ANKAR: variants seen among roughly 807,000 people sequenced by gnomAD.
ANKAR encodes the protein ankyrin and armadillo repeat containing, also known as ankyrin and armadillo repeat-containing protein.
A neutral mutation model predicts 146.2 loss-of-function variants in ANKAR; 136 were observed. The observed-to-expected ratio is 0.93, with a 90% CI of 0.81 to 1.07. ANKAR has a LOEUF of 1.07. Among genes scored for constraint, ANKAR ranks in the 50% least tolerant of loss-of-function variants. ANKAR has a pLI of 0.00. For missense variants in ANKAR, 1,567 were observed against 1,679.9 expected, an observed-to-expected ratio of 0.93 and a Z score of 1.18; for synonymous variants, 500 against 575.8, an observed-to-expected ratio of 0.87 and a Z score of 1.88.
At chr2:189,728,856 G>A (rs2042133241) in intron 15 of ANKAR, 35 bp downstream of exon 15, 2 of 1,582,328 alleles carry the variant, frequency 1.3e-6, no homozygotes, top group Middle Eastern at 1.7e-4. Flanking sequence ...TTAAATATCT[G>A]TAAGAACAAG....
At chr2:189,731,106 C>T (rs934598410) in intron 16 of ANKAR, among the ~76,000 whole-genome samples, 2 of 152,170 alleles carry the variant, frequency 1.3e-5, no homozygotes, top group Admixed American at 6.5e-5. Context: ...CTGGACATTA[C>T]AAAGAATTAT....
intron 20 of ANKAR, among the ~76,000 whole-genome samples, chr2:189,742,473 G>A (rs1038554758): frequency 6.6e-6 from 1 of 152,092 alleles, no homozygotes; most frequent in Non-Finnish European, 1.5e-5. Context: ...CTAGAGTCCT[G>A]TGGCCTGACA....
At chr2:189,679,578 A>G (rs1458907321) in intron 2 of ANKAR, among the ~76,000 whole-genome samples, 2 of 152,168 alleles carry the variant, frequency 1.3e-5, no homozygotes, top group Non-Finnish European at 2.9e-5. Flanking sequence ...TTTCCTGTTC[A>G]GTATAATGTT....
chr2:189,760,306 G>T (rs1193674002), intron 18 of ANKAR, among the ~76,000 whole-genome samples: 2 of 152,146 alleles, frequency 1.3e-5, no homozygotes, highest in Admixed American at 1.3e-4. Flanking sequence ...CCGGGCAGAG[G>T]GGCTCCTCAC....
intron 18 of ANKAR, among the ~76,000 whole-genome samples, chr2:189,759,415 A>T (rs2046637192): frequency 6.6e-6 from 1 of 151,762 alleles, no homozygotes. Context: ...CGCCTGGCTA[A>T]TTTTTTTTGT....
chr2:189,753,682 CAAG>C (rs961085229), intron 18 of ANKAR, among the ~76,000 whole-genome samples: 3 of 152,128 alleles, frequency 2.0e-5, no homozygotes, highest in African/African-American at 4.8e-5. Context: ...TTAAATCCAA[CAAG>C]AAGATGCAAA....
downstream of ANKAR, among the ~76,000 whole-genome samples, chr2:189,751,317 T>TAGATA (rs1399542233): frequency 1.3e-5 from 2 of 152,198 alleles, no homozygotes; most frequent in Admixed American, 1.3e-4. Flanking sequence ...ATACTCTATC[T>TAGATA]GAGACAAGGT....
chr2:189,711,122 T>C lies in ANKAR; in HGVS notation c.2193T>C (p.Asn731=). Residue 731 remains asparagine, a synonymous_variant, in exon 10 of 23, where the codon AAT becomes AAC. Transcript: ENST00000684021. ...VMSLEVICLA[N]DQYWRCILDA... is the part of the protein sequence containing the mutation. ...CCTTGGAAGTAATTTGCTTAGCAAA[T>C]GATCAATACTGGAGATGTATTTTGG... The C allele has an allele frequency of 6.2e-7, 1 of 1,614,054 alleles. No individual in the cohort carries two copies. The highest frequency in any genetic ancestry group is 8.5e-7 in the Non-Finnish European group (1 of 1,179,946).
intron 18 of ANKAR, among the ~76,000 whole-genome samples, chr2:189,759,275 C>A (rs1373100572): frequency 6.6e-6 from 1 of 150,570 alleles, no homozygotes; most frequent in Non-Finnish European, 1.5e-5. Flanking sequence ...TTGAGACAGA[C>A]TCTCACTCTG....
At chr2:189,699,868 G>T (rs534107481) in intron 7 of ANKAR, among the ~76,000 whole-genome samples, 8 of 152,214 alleles carry the variant, frequency 5.3e-5, no homozygotes, top group Non-Finnish European at 1.2e-4. Context: ...GTTTCACCAT[G>T]TTGGCCAGGC....
intron 18 of ANKAR, among the ~76,000 whole-genome samples, chr2:189,758,067 G>A (rs2106046064): frequency 6.6e-6 from 1 of 152,272 alleles, no homozygotes; most frequent in Middle Eastern, 3.4e-3. Flanking sequence ...GATAGTCAAT[G>A]AGTTCTCATG....
chr2:189,690,360 T>C (rs2036204051), intron 3 of ANKAR, among the ~76,000 whole-genome samples: 1 of 152,136 alleles, frequency 6.6e-6, no homozygotes, highest in Admixed American at 6.5e-5. Context: ...AAAATTAATA[T>C]AGAGCAGCAA....
At chr2:189,711,550 G>T (rs2039681051) in intron 10 of ANKAR, among the ~76,000 whole-genome samples, 1 of 152,144 alleles carries the variant, frequency 6.6e-6, no homozygotes, top group African/African-American at 2.4e-5. Context: ...AACTACCTCT[G>T]CATTTAGAAC....
intron 10 of ANKAR, among the ~76,000 whole-genome samples, chr2:189,719,041 G>A (rs970384952): frequency 7.2e-5 from 11 of 152,154 alleles, no homozygotes; most frequent in Admixed American, 3.3e-4. Flanking sequence ...GAGCCACCGC[G>A]CCCGGCCTAT....
intron 18 of ANKAR, 135 bp downstream of exon 18, chr2:189,737,976 C>A: frequency 1.3e-6 from 1 of 764,496 alleles, no homozygotes; most frequent in African/African-American, 1.8e-5. Context: ...TAAGCCCCTT[C>A]TACCTCATAA....
At chr2:189,692,943 G>A in intron 4 of ANKAR, 131 bp from the exon 5 acceptor site, 4 of 482,914 alleles carry the variant, frequency 8.3e-6, no homozygotes, top group Non-Finnish European at 1.5e-5. Context: ...ATATTCAGCT[G>A]CTATCCGGGT....
At chr2:189,743,179 C>T in intron 20 of ANKAR, 96 bp from the exon 21 acceptor site, 1 of 1,230,974 alleles carries the variant, frequency 8.1e-7, no homozygotes. Flanking sequence ...TTGCTCCCTC[C>T]CTTACAGAGA....
intron 18 of ANKAR, chr2:189,754,985 T>A: frequency 1.5e-6 from 1 of 653,734 alleles, no homozygotes; most frequent in South Asian, 2.3e-5. Context: ...ACCATTTTAT[T>A]AAGAAAGGCT....
chr2:189,707,452 C>CAA (rs67227035), intron 9 of ANKAR, among the ~76,000 whole-genome samples: 4,509 of 71,096 alleles, frequency 0.063, 266 homozygotes, highest in African/African-American at 0.15. Context: ...TCTCCTTCAT[C>CAA]AAAAAAAAAA....
Sources: allele counts gnomAD v4.1 joint callset (sites outside exome capture counted in the v4.1 genomes callset), GRCh38; gene constraint gnomAD v4.1.1; transcripts MANE v1.5; gene names NCBI Gene and HGNC (gene_info 2026-07-23, HGNC 2026-07-21).